The following HDAC1 variants were observed in gnomAD, a reference collection of about 807,000 sequenced individuals.
HDAC1 encodes the protein histone deacetylase 1, also known as protein deacetylase HDAC1.
HDAC1 carries 18 observed loss-of-function variants against 65.5 expected under a neutral mutation model. The observed-to-expected ratio is 0.27, with a 90% confidence interval of 0.19 to 0.41. HDAC1 has a LOEUF of 0.41. Among genes scored for constraint, HDAC1 ranks in the 10% least tolerant of loss-of-function variants. HDAC1 has a pLI of 1.00. For missense variants in HDAC1, 373 were observed against 625.2 expected (o/e 0.60, Z 4.30); for synonymous variants, 211 against 227.9 (o/e 0.93, Z 0.67).
In HDAC1 at chr1:32,330,984, T is replaced by C. The variant is rs933949409; in HGVS notation, c.979+76T>C. ...ATCTGTCCTTAAGTTTATAACCCCTTCCCCGTTGGTCATATGACCGCTCCT... is the reference window on the plus strand; with the variant it reads ...ATCTGTCCTTAAGTTTATAACCCCTCCCCCGTTGGTCATATGACCGCTCCT... On this transcript the variant is annotated intron_variant, in intron 9 of 13. Coordinates refer to ENST00000373548, the MANE Select transcript of HDAC1 (RefSeq NM_004964.3). This position sits in a 1 kb window ranked among gnomAD's most constrained non-coding sequence, Gnocchi z 4.2. 2.1e-6 allele frequency: 3 copies of C among 1,431,452 alleles called. No homozygotes were observed. In the African/African-American group the frequency reaches 4.2e-5, roughly 20 times the overall value. 88.7% of individuals were successfully genotyped at this position (1,431,452 alleles called of 1,614,324 possible).
At chr1:32,326,541 C>T (rs969133401) in intron 4 of HDAC1, among the ~76,000 whole-genome samples, 1 of 152,068 alleles carries the variant, frequency 6.6e-6, no homozygotes, top group African/African-American at 2.4e-5. Flanking sequence ...ATCCAGGATA[C>T]ATATAACATA....
intron 3 of HDAC1, among the ~76,000 whole-genome samples, chr1:32,321,369 C>T (rs1271286190): frequency 1.3e-5 from 2 of 149,714 alleles, no homozygotes; most frequent in Admixed American, 6.7e-5. Flanking sequence ...CTCTCCCACT[C>T]CCCCAGCCCC....
intron 3 of HDAC1, 75 bp from the exon 4 acceptor site, chr1:32,324,403 GT>G (rs1166068482): frequency 3.0e-6 from 3 of 1,001,108 alleles, no homozygotes; most frequent in Non-Finnish European, 4.8e-6. Flanking sequence ...TAAATTCTGT[GT>G]TTTTTTCCAT....
intron 3 of HDAC1, among the ~76,000 whole-genome samples, chr1:32,322,895 A>G (rs1193774309): frequency 6.6e-6 from 1 of 152,106 alleles, no homozygotes. Context: ...TCCTCCGCAC[A>G]GTGGGGTTGA....
In HDAC1 at chr1:32,331,798, G is replaced by A. The variant is rs1299296016; in HGVS notation, c.1211G>A (p.Arg404His). ...GDEDEDDPDK[R>H]ISICSSDKRI... ...GAGGACGAAGACGACCCTGACAAGC[G>A]CATCTCGAGTGAGACCCAGACCTAG... Residue 404 changes from arginine to histidine, a missense_variant, in exon 11 of 14, where the codon CGC becomes CAC. Transcript: ENST00000373548. The surrounding 1 kb of genome is among the most constrained non-coding windows in gnomAD (Gnocchi z 4.2). The A allele has an allele frequency of 3.1e-6, 5 of 1,610,476 alleles. No individual in the cohort carries two copies. The highest frequency in any genetic ancestry group is 2.2e-5 in the South Asian group (2 of 90,726).
At chr1:32,297,504 A>G (rs1251162795) in intron 1 of HDAC1, among the ~76,000 whole-genome samples, 1 of 152,090 alleles carries the variant, frequency 6.6e-6, no homozygotes, top group East Asian at 1.9e-4. Context: ...GCCTGCAGTG[A>G]CCCATAATGG....
intron 4 of HDAC1, 136 bp from the exon 5 acceptor site, chr1:32,326,803 A>C: frequency 2.8e-6 from 2 of 726,316 alleles, no homozygotes; most frequent in Non-Finnish European, 4.2e-6. Context: ...GGTGGGAGGG[A>C]GGGGACTGGT....
chr1:32,325,175 G>T (rs1306428558), intron 4 of HDAC1, among the ~76,000 whole-genome samples: 1 of 152,190 alleles, frequency 6.6e-6, no homozygotes, highest in Non-Finnish European at 1.5e-5. Context: ...AAAAATGGAA[G>T]TGTCATCATC....
chr1:32,306,192 CT>C (rs59708330), intron 2 of HDAC1, among the ~76,000 whole-genome samples: 6,280 of 137,404 alleles, frequency 0.046, 360 homozygotes, highest in African/African-American at 0.15. Context: ...TTTTCTTTTT[CT>C]TTTTTTTTTT....
intron 4 of HDAC1, 53 bp from the exon 5 acceptor site, chr1:32,326,886 G>A (rs1043539467): frequency 9.4e-6 from 15 of 1,601,398 alleles, no homozygotes; most frequent in Non-Finnish European, 1.2e-5. Context: ...GCTTCTTGGA[G>A]GAAGGGGAGA....
chr1:32,314,939 AG>A (rs1372759076), intron 2 of HDAC1, among the ~76,000 whole-genome samples: 2 of 152,122 alleles, frequency 1.3e-5, no homozygotes, highest in African/African-American at 2.4e-5. Flanking sequence ...AATATGCTGT[AG>A]GAGCTTAAGT....
intron 1 of HDAC1, chr1:32,292,488 G>A (rs1640710867): frequency 2.1e-6 from 2 of 958,254 alleles, no homozygotes; most frequent in African/African-American, 1.8e-5. Context: ...GAGTTTGAGT[G>A]GGACTCCTAG....
chr1:32,330,485 G>A lies in HDAC1; in HGVS notation c.730-93G>A. The A allele has an allele frequency of 1.2e-6, 1 of 823,786 alleles. No homozygotes were observed. Among genetic ancestry groups the A allele is most frequent in the Non-Finnish European group, 2.1e-6 (1 of 469,686 alleles). 51.0% of individuals were successfully genotyped at this position (823,786 alleles called of 1,614,324 possible). On this transcript the variant is annotated intron_variant, in intron 7 of 13. Coordinates refer to ENST00000373548, the MANE Select transcript of HDAC1 (RefSeq NM_004964.3). This position sits in a 1 kb window ranked among gnomAD's most constrained non-coding sequence, Gnocchi z 4.2. ...TAGCATGAGGGAGAGTGGAAAGGTA[G>A]GAGTGGGTGGGAAAGTGTTGCACCC...
chr1:32,309,618 C>T (rs1032466527), intron 2 of HDAC1, among the ~76,000 whole-genome samples: 3 of 137,132 alleles, frequency 2.2e-5, no homozygotes, highest in Non-Finnish European at 4.5e-5. Context: ...ACCTGGGTGG[C>T]GGAGATTGCA....
At chr1:32,303,878 C>T (rs753387237) in intron 2 of HDAC1, among the ~76,000 whole-genome samples, 1 of 152,062 alleles carries the variant, frequency 6.6e-6, no homozygotes, top group Non-Finnish European at 1.5e-5. Flanking sequence ...AAAGTTAACC[C>T]AGAGTTTTTG....
At chr1:32,309,371 TTCTC>T (rs137943991) in intron 2 of HDAC1, among the ~76,000 whole-genome samples, 1,644 of 151,456 alleles carry the variant, frequency 0.011, 27 homozygotes, top group African/African-American at 0.037. Flanking sequence ...TTTCTTCTCT[TTCTC>T]TCTCTCTCTC....
intron 3 of HDAC1, among the ~76,000 whole-genome samples, chr1:32,320,214 C>A (rs1207029316): frequency 6.6e-6 from 1 of 150,762 alleles, no homozygotes; most frequent in African/African-American, 2.4e-5. Context: ...AGCGAGACTC[C>A]TTCTCAAAAA....
chr1:32,331,739 T>C lies in HDAC1; in HGVS notation c.1152T>C (p.Ile384=), dbSNP rs1335601384. 1.2e-6 allele frequency: 2 copies of C among 1,614,078 alleles called. No homozygotes were observed. Among genetic ancestry groups the C allele is most frequent in the South Asian group, 2.2e-5 (2 of 91,080 alleles). Residue 384 remains isoleucine (I), a synonymous_variant, in exon 11 of 14, where the codon ATT becomes ATC. Coordinates refer to ENST00000373548, the MANE Select transcript of HDAC1 (RefSeq NM_004964.3). The surrounding 1 kb of genome is among the most constrained non-coding windows in gnomAD (Gnocchi z 4.2). ...PHAPGVQMQA[I]PEDAIPEESG... ...CACCTGGGGTCCAAATGCAGGCGATTCCTGAGGACGCCATCCCTGAGGAGA... is the reference window on the plus strand; with the variant it reads ...CACCTGGGGTCCAAATGCAGGCGATCCCTGAGGACGCCATCCCTGAGGAGA...
chr1:32,292,869 G>A (rs986039023), intron 1 of HDAC1, among the ~76,000 whole-genome samples: 2 of 152,130 alleles, frequency 1.3e-5, no homozygotes, highest in Non-Finnish European at 2.9e-5. Context: ...CAGAGTGTTA[G>A]GGGAGCACAG....
Sources: allele counts gnomAD v4.1 joint callset (sites outside exome capture counted in the v4.1 genomes callset), GRCh38; gene constraint gnomAD v4.1.1; non-coding constraint Gnocchi (gnomAD v3.1); transcripts MANE v1.5; gene names NCBI Gene and HGNC (gene_info 2026-07-23, HGNC 2026-07-21).